AGBL4: variants seen among roughly 807,000 people sequenced by gnomAD.
AGBL4 encodes the protein AGBL carboxypeptidase 4.
AGBL4 carries 58 observed loss-of-function variants against 66.4 expected under a neutral mutation model. That is an observed-to-expected ratio of 0.87 (90% CI 0.71 to 1.09). The LOEUF is 1.09. AGBL4 is among the 50% of genes least tolerant of loss of function. The probability of loss-of-function intolerance (pLI) is 0.00; values close to 1 mark genes in which losing one functional copy is unlikely to be tolerated. For synonymous variants in AGBL4, 234 were observed against 222.9 expected, an observed-to-expected ratio of 1.05 and a Z score of -0.44; for missense variants, 579 against 631.0, an observed-to-expected ratio of 0.92 and a Z score of 0.88.
chr1:49,894,004 C>T (rs555509768), intron 1 of AGBL4, among the ~76,000 whole-genome samples: 7 of 152,302 alleles, frequency 4.6e-5, no homozygotes. Context: ...CCAAACCCAG[C>T]ACCAGATGGC....
intron 3 of AGBL4, among the ~76,000 whole-genome samples, chr1:49,341,373 T>C (rs1347284255): frequency 6.6e-6 from 1 of 152,074 alleles, no homozygotes; most frequent in Non-Finnish European, 1.5e-5. Flanking sequence ...GGTGAAAAGA[T>C]AAAATAAGGT....
At chr1:48,714,272 C>T (rs1647012903) in intron 6 of AGBL4, among the ~76,000 whole-genome samples, 1 of 152,084 alleles carries the variant, frequency 6.6e-6, no homozygotes, top group Non-Finnish European at 1.5e-5. Context: ...CCAAGGATTC[C>T]TATCAGAACA....
In AGBL4 at chr1:49,045,749, C is replaced by T. The variant is rs1453967040; in HGVS notation, c.429G>A (p.Arg143=). Reference sequence around the variant, plus strand: ...AGGCAAAGGACATCACATAGTTCTTCCTATGGTCCGGGCAGCGGTAGTAGT... The same window carrying T: ...AGGCAAAGGACATCACATAGTTCTTTCTATGGTCCGGGCAGCGGTAGTAGT... The part of the protein sequence containing the change: ...NVYYYRCPDH[R]KNYVMSFAFC... Residue 143 remains arginine, a synonymous_variant, in exon 5 of 14, where the codon AGG becomes AGA. Transcript: ENST00000371839. 6.4e-7 allele frequency: 1 copy of T among 1,551,688 alleles called. No homozygotes were observed. Among genetic ancestry groups the T allele is most frequent in the Non-Finnish European group, 8.7e-7 (1 of 1,146,938 alleles).
At chr1:49,325,345 C>A (rs1645209164) in intron 3 of AGBL4, among the ~76,000 whole-genome samples, 1 of 152,170 alleles carries the variant, frequency 6.6e-6, no homozygotes. Context: ...TTAGTGGCAG[C>A]CCATTACATT....
At chr1:49,579,737 G>A (rs1644505992) in intron 3 of AGBL4, among the ~76,000 whole-genome samples, 1 of 152,164 alleles carries the variant, frequency 6.6e-6, no homozygotes. Flanking sequence ...CTGACCTCAT[G>A]ATCCACCTGC....
At chr1:49,565,773 T>A (rs1031387127) in intron 3 of AGBL4, among the ~76,000 whole-genome samples, 1 of 152,218 alleles carries the variant, frequency 6.6e-6, no homozygotes, top group East Asian at 1.9e-4. Context: ...CTGACAAGTA[T>A]GTGTCTCGGA....
intron 4 of AGBL4, among the ~76,000 whole-genome samples, chr1:49,182,915 T>A (rs926585629): frequency 3.9e-5 from 6 of 152,224 alleles, no homozygotes; most frequent in African/African-American, 1.4e-4. Flanking sequence ...GTTCCATTTT[T>A]CACACTTTGG....
chr1:49,327,880 G>A (rs1193808057), intron 3 of AGBL4, among the ~76,000 whole-genome samples: 1 of 152,148 alleles, frequency 6.6e-6, no homozygotes, highest in Non-Finnish European at 1.5e-5. Flanking sequence ...ATGGGAAGAG[G>A]GAGTTATAGA....
In AGBL4 at chr1:48,837,806, A is replaced by G. The variant is rs1475689739; in HGVS notation, c.634+29385T>C. The stretch of plus-strand genomic sequence containing the variant: ...CAGTGAGTGTGATAGAGAGAGTGGT[A>G]TGAGGGGCATGGGAGAGATACAAGA... On this transcript the variant is annotated intron_variant, in intron 6 of 13. Transcript: ENST00000371839. 5.1e-5 allele frequency among the ~76,000 whole-genome samples: 5 copies of G among 98,300 alleles called. No individual in the cohort carries two copies. In the East Asian group the frequency reaches 1.1e-3, roughly 21 times the overall value. The allele number at this position is 98,300 out of a possible 152,430, so 64.5% of individuals were successfully genotyped here.
At chr1:49,350,739 T>C (rs1275880253) in intron 3 of AGBL4, among the ~76,000 whole-genome samples, 1 of 152,184 alleles carries the variant, frequency 6.6e-6, no homozygotes, top group African/African-American at 2.4e-5. Context: ...ATGTGTAGTC[T>C]TTTATCATTC....
chr1:49,119,688 G>C (rs938851127), intron 4 of AGBL4, among the ~76,000 whole-genome samples: 1 of 152,164 alleles, frequency 6.6e-6, no homozygotes, highest in African/African-American at 2.4e-5. Flanking sequence ...ATTTGGGGTG[G>C]AGAGTTCTGT....
chr1:48,717,302 T>C (rs1229888694), intron 6 of AGBL4, among the ~76,000 whole-genome samples: 2 of 152,250 alleles, frequency 1.3e-5, no homozygotes, highest in African/African-American at 2.4e-5. Flanking sequence ...TGAGTGTTTA[T>C]ACTCTGACTG....
At chr1:49,941,536 C>A (rs1266605397) in intron 1 of AGBL4, among the ~76,000 whole-genome samples, 1 of 151,994 alleles carries the variant, frequency 6.6e-6, no homozygotes, top group Non-Finnish European at 1.5e-5. Context: ...ACACTATTAT[C>A]AAGTTGGCTT....
intron 3 of AGBL4, among the ~76,000 whole-genome samples, chr1:49,504,565 T>C (rs1323765967): frequency 1.3e-5 from 2 of 152,108 alleles, no homozygotes; most frequent in African/African-American, 2.4e-5. Context: ...ATTCACTTGA[T>C]GAGTTTACCC....
intron 4 of AGBL4, among the ~76,000 whole-genome samples, chr1:49,184,227 C>T (rs1023623694): frequency 6.6e-6 from 1 of 152,084 alleles, no homozygotes; most frequent in African/African-American, 2.4e-5. Context: ...GTCCAAGGTC[C>T]CCAAGCTAAG....
chr1:49,315,997 A>C (rs976645285), intron 3 of AGBL4, among the ~76,000 whole-genome samples: 1 of 152,042 alleles, frequency 6.6e-6, no homozygotes, highest in Non-Finnish European at 1.5e-5. Flanking sequence ...TGCTAAGTGA[A>C]AGAGACAATC....
At chr1:49,896,026 G>A (rs1244901475) in intron 1 of AGBL4, among the ~76,000 whole-genome samples, 2 of 149,718 alleles carry the variant, frequency 1.3e-5, no homozygotes, top group Non-Finnish European at 3.0e-5. Flanking sequence ...GACTGAAAAT[G>A]AAAGAATGCA....
chr1:48,921,670 T>A (rs1015250730), intron 5 of AGBL4, among the ~76,000 whole-genome samples: 2 of 152,174 alleles, frequency 1.3e-5, no homozygotes, highest in African/African-American at 4.8e-5. Flanking sequence ...GTAGTCACAA[T>A]AGAATAATAT....
Position 49,763,178 on chromosome 1 carries a change from T to C in AGBL4, c.158-65741A>G, listed in dbSNP as rs188065962. ...CCTGGCACCTTTGTCAAAAATCAGTTGGTTATAGGAGTGTGTAATTTATTT... is the reference window on the plus strand; with the variant it reads ...CCTGGCACCTTTGTCAAAAATCAGTCGGTTATAGGAGTGTGTAATTTATTT... On this transcript the variant is annotated intron_variant, in intron 2 of 13. Transcript: ENST00000371839. Among the ~76,000 whole-genome samples, 238 of 152,314 alleles carry C rather than the reference T, an allele frequency of 1.6e-3. 1 individual carries two copies. Among genetic ancestry groups the C allele is most frequent in the African/African-American group, 4.9e-3 (203 of 41,566 alleles).
Sources: gnomAD v4.1 joint callset for allele counts (sites outside exome capture counted in the v4.1 genomes callset) on GRCh38, gnomAD v4.1.1 for gene constraint, MANE v1.5 for transcripts, NCBI Gene and HGNC (gene_info 2026-07-23, HGNC 2026-07-21) for gene names.